SEMA3C: variants seen among roughly 807,000 people sequenced by gnomAD.
The protein encoded by SEMA3C is semaphorin 3C.
In SEMA3C, 47 loss-of-function variants were observed where a neutral mutation model predicts 89.4. That is an observed-to-expected ratio of 0.53 (90% confidence interval 0.42 to 0.67). SEMA3C has a LOEUF of 0.67. Ranked by LOEUF, SEMA3C falls within the 30% of genes least tolerant of loss-of-function variation. SEMA3C has a pLI of 0.00. For synonymous variants in SEMA3C, 310 were observed against 320.2 expected (o/e 0.97, Z 0.34); for missense variants, 839 against 929.1 (o/e 0.90, Z 1.26).
chr7:80,753,940 G>A (rs553428406), intron 15 of SEMA3C, among the ~76,000 whole-genome samples: 1 of 152,036 alleles, frequency 6.6e-6, no homozygotes, highest in Admixed American at 6.6e-5. Context: ...TTGTTTGTTT[G>A]TTTGTTTGTT....
Position 80,916,732 on chromosome 7 carries a change from A to T in SEMA3C, c.50T>A (p.Ile17Asn). 6.2e-7 allele frequency: 1 copy of T among 1,613,856 alleles called. No homozygotes were observed. The highest frequency in any genetic ancestry group is 8.5e-7 in the Non-Finnish European group (1 of 1,179,842). ...GGGCTGGGAAGATCCTTTCACACAG[A>T]TAGAACAAATAAATACTCCAACCAA... The part of the protein sequence containing the change: ...CVLVGVFICS[I>N]CVKGSSQPQA... Residue 17 changes from isoleucine (I) to asparagine (N), a missense_variant, in exon 2 of 18, where the codon ATC (isoleucine) becomes AAC (asparagine). Physicochemically the swap from Ile to Asn is moderately radical, Grantham distance 149. Coordinates refer to ENST00000265361, the MANE Select transcript of SEMA3C (RefSeq NM_006379.5).
At chr7:80,868,360 C>G (rs1790978633) in intron 2 of SEMA3C, among the ~76,000 whole-genome samples, 1 of 152,112 alleles carries the variant, frequency 6.6e-6, no homozygotes, top group South Asian at 2.1e-4. Flanking sequence ...CTCCACCTCC[C>G]AGGTTCAAGT....
intron 2 of SEMA3C, among the ~76,000 whole-genome samples, chr7:80,848,681 T>A (rs1408069942): frequency 6.6e-6 from 1 of 152,200 alleles, no homozygotes; most frequent in Non-Finnish European, 1.5e-5. Flanking sequence ...CCAGCAAGTA[T>A]TTTTAGAAAA....
chr7:80,795,638 G>C (rs1032339124), intron 11 of SEMA3C, among the ~76,000 whole-genome samples: 3 of 152,134 alleles, frequency 2.0e-5, no homozygotes, highest in African/African-American at 7.2e-5. Flanking sequence ...TACTAAAAAG[G>C]GTTTAGTATT....
At chr7:80,761,583 T>A (rs1202787056) in intron 14 of SEMA3C, 33 bp downstream of exon 14, 1 of 1,123,932 alleles carries the variant, frequency 8.9e-7, no homozygotes, top group Admixed American at 2.3e-5. Flanking sequence ...AACATTTCAA[T>A]AAGCAAAGAA....
At chr7:80,782,615 T>C (rs975189769) in intron 12 of SEMA3C, among the ~76,000 whole-genome samples, 12 of 152,228 alleles carry the variant, frequency 7.9e-5, no homozygotes, top group East Asian at 1.9e-4. Context: ...TTGTATTATA[T>C]ATTAACTGCT....
intron 12 of SEMA3C, among the ~76,000 whole-genome samples, chr7:80,787,418 TGGG>T (rs1422279091): frequency 1.0e-5 from 1 of 97,286 alleles, no homozygotes; most frequent in East Asian, 2.9e-4. Context: ...AAAAAAAAGG[TGGG>T]GGACAATAGA....
intron 12 of SEMA3C, among the ~76,000 whole-genome samples, chr7:80,781,936 G>C (rs577630546): frequency 1.3e-5 from 2 of 152,034 alleles, no homozygotes; most frequent in African/African-American, 2.4e-5. Context: ...AGAGCCACTA[G>C]GTCCTTGCAT....
chr7:80,886,777 T>A (rs1791489438), intron 2 of SEMA3C, among the ~76,000 whole-genome samples: 1 of 152,330 alleles, frequency 6.6e-6, no homozygotes, highest in Non-Finnish European at 1.5e-5. Context: ...ATAAAATTAT[T>A]AAACCAACCT....
intron 2 of SEMA3C, among the ~76,000 whole-genome samples, chr7:80,836,415 C>A (rs761770306): frequency 1.3e-5 from 2 of 152,148 alleles, no homozygotes; most frequent in Admixed American, 6.5e-5. Flanking sequence ...CGGTGGCTCA[C>A]GCCTGTAATC....
chr7:80,891,625 TA>T (rs1791616657), intron 2 of SEMA3C, among the ~76,000 whole-genome samples: 1 of 152,164 alleles, frequency 6.6e-6, no homozygotes, highest in African/African-American at 2.4e-5. Context: ...ATCAATTAAT[TA>T]AAAAATATTT....
At chr7:80,912,868 C>A (rs922321883) in intron 2 of SEMA3C, among the ~76,000 whole-genome samples, 2 of 152,120 alleles carry the variant, frequency 1.3e-5, no homozygotes, top group African/African-American at 4.8e-5. Context: ...CTAATGCTAC[C>A]AGAGCTCATA....
Position 80,779,505 on chromosome 7 carries a change from A to T in SEMA3C, c.1354+9801T>A, listed in dbSNP as rs577927157. 3.3e-5 allele frequency among the ~76,000 whole-genome samples: 5 copies of T among 152,290 alleles called. No homozygotes were observed. In the South Asian group the frequency reaches 1.0e-3, roughly 32 times the overall value. ...CCTTTCTTTCTCCCAAATACCTTTTAGATCGGATAATGTCATTTCTAACCC... is the reference window on the plus strand; with the variant it reads ...CCTTTCTTTCTCCCAAATACCTTTTTGATCGGATAATGTCATTTCTAACCC... On this transcript the variant is annotated intron_variant, in intron 12 of 17. Coordinates refer to ENST00000265361, the MANE Select transcript of SEMA3C (RefSeq NM_006379.5).
chr7:80,909,067 A>G (rs1013583773), intron 2 of SEMA3C, among the ~76,000 whole-genome samples: 2 of 152,060 alleles, frequency 1.3e-5, no homozygotes, highest in African/African-American at 4.8e-5. Flanking sequence ...TTTTACTCAT[A>G]GACGATGTGA....
intron 6 of SEMA3C, among the ~76,000 whole-genome samples, chr7:80,807,946 G>A (rs959021216): frequency 1.3e-5 from 2 of 152,062 alleles, no homozygotes; most frequent in African/African-American, 4.8e-5. Flanking sequence ...AAAGCTTTTT[G>A]TTCTTTTTAC....
upstream of SEMA3C, among the ~76,000 whole-genome samples, chr7:80,920,545 G>T (rs1454855580): frequency 6.6e-6 from 1 of 152,166 alleles, no homozygotes; most frequent in Non-Finnish European, 1.5e-5. Context: ...CTTGTGTTCA[G>T]TAAACATACA....
intron 17 of SEMA3C, among the ~76,000 whole-genome samples, chr7:80,746,620 A>T (rs528590248): frequency 1.1e-4 from 16 of 151,986 alleles, no homozygotes; most frequent in Non-Finnish European, 1.2e-4. Flanking sequence ...TAACAAATAG[A>T]TGGCTTTGAA....
chr7:80,911,731 T>G (rs540397500), intron 2 of SEMA3C, among the ~76,000 whole-genome samples: 11 of 151,948 alleles, frequency 7.2e-5, no homozygotes, highest in African/African-American at 2.7e-4. Context: ...CCTCCCGAGT[T>G]TATGCCATTC....
At chr7:80,794,342 T>A (rs973686424) in intron 11 of SEMA3C, among the ~76,000 whole-genome samples, 7 of 152,190 alleles carry the variant, frequency 4.6e-5, no homozygotes, top group African/African-American at 1.7e-4. Flanking sequence ...ATATTTATTT[T>A]AAAAATTTTA....
Sources: gnomAD v4.1 joint callset for allele counts (sites outside exome capture counted in the v4.1 genomes callset) on GRCh38, gnomAD v4.1.1 for gene constraint, MANE v1.5 for transcripts, NCBI Gene and HGNC (gene_info 2026-07-23, HGNC 2026-07-21) for gene names.